The following FHIT variants were observed in gnomAD, a reference collection of about 807,000 sequenced individuals.
The protein encoded by FHIT is fragile histidine triad diadenosine triphosphatase.
FHIT carries 19 observed loss-of-function variants against 17.9 expected under a neutral mutation model. The ratio of observed to expected loss-of-function variants is 1.06; its 90% CI spans 0.74 to 1.56. The LOEUF (loss-of-function observed/expected upper bound fraction) is 1.56, where lower values mean the gene tolerates loss of function less well. Ranked by LOEUF, FHIT falls within the 40% of genes most tolerant of loss-of-function variation. The probability of loss-of-function intolerance (pLI) is 0.00; values close to 1 mark genes in which losing one functional copy is unlikely to be tolerated. For synonymous variants in FHIT, 81 were observed against 69.7 expected, an observed-to-expected ratio of 1.16 and a Z score of -0.81; for missense variants, 248 against 189.2, an observed-to-expected ratio of 1.31 and a Z score of -1.82.
At chr3:60,104,412 T>A (rs960756729) in intron 5 of FHIT, among the ~76,000 whole-genome samples, 2 of 152,118 alleles carry the variant, frequency 1.3e-5, no homozygotes, top group Non-Finnish European at 2.9e-5. Flanking sequence ...ATAAGTGACT[T>A]TATATTCAGA....
chr3:60,690,383 A>G lies in FHIT; in HGVS notation c.-18+131536T>C, dbSNP rs1176831033. ...CACTTGGTCTTGGCAGGGCACATGAAAAACTGGGAACCATTTGCGTTGGGT... is the reference window on the plus strand; with the variant it reads ...CACTTGGTCTTGGCAGGGCACATGAGAAACTGGGAACCATTTGCGTTGGGT... On this transcript the variant is annotated intron_variant, in intron 4 of 9. Coordinates refer to ENST00000492590, the MANE Select transcript of FHIT (RefSeq NM_002012.4). The G allele has an allele frequency of 1.2e-5, 7 of 577,358 alleles. No individual in the cohort carries two copies. The East Asian group carries it at 3.1e-4, about 26-fold the overall frequency. The allele number at this position is 577,358 out of a possible 1,614,324, so 35.8% of individuals were successfully genotyped here. A position where few individuals can be genotyped will look rare whatever the true frequency, so the allele number is the denominator to read the frequency against.
chr3:59,988,449 C>A (rs1709084593), intron 7 of FHIT, among the ~76,000 whole-genome samples: 1 of 152,072 alleles, frequency 6.6e-6, no homozygotes, highest in Admixed American at 6.6e-5. Context: ...AATAAATAGA[C>A]TTTTACCTGA....
intron 4 of FHIT, among the ~76,000 whole-genome samples, chr3:60,628,598 T>G (rs1177125436): frequency 4.6e-5 from 7 of 152,196 alleles, no homozygotes; most frequent in Admixed American, 3.9e-4. Flanking sequence ...CAGGCCAATT[T>G]TTCGTTACTC....
At chr3:60,113,529 C>T (rs931544629) in intron 5 of FHIT, among the ~76,000 whole-genome samples, 1 of 151,624 alleles carries the variant, frequency 6.6e-6, no homozygotes, top group Non-Finnish European at 1.5e-5. Flanking sequence ...CTACTATTAG[C>T]GATGCATAAA....
intron 5 of FHIT, among the ~76,000 whole-genome samples, chr3:60,371,230 T>TTTA: frequency 6.6e-6 from 1 of 152,362 alleles, no homozygotes; most frequent in Non-Finnish European, 1.5e-5. Flanking sequence ...AATATATCTT[T>TTTA]ATTCTCCTGT....
intron 2 of FHIT, among the ~76,000 whole-genome samples, chr3:61,100,013 T>C (rs892741117): frequency 7.2e-5 from 11 of 152,116 alleles, no homozygotes; most frequent in Non-Finnish European, 1.0e-4. Flanking sequence ...TGGTGTCATA[T>C]TGTGGTTTTG....
At chr3:60,658,250 G>A (rs1252101533) in intron 4 of FHIT, among the ~76,000 whole-genome samples, 1 of 152,062 alleles carries the variant, frequency 6.6e-6, no homozygotes, top group African/African-American at 2.4e-5. Context: ...CAATCATGTT[G>A]TAGCATATGT....
intron 3 of FHIT, among the ~76,000 whole-genome samples, chr3:60,919,641 A>G (rs1365560619): frequency 2.0e-5 from 3 of 152,192 alleles, no homozygotes; most frequent in African/African-American, 7.2e-5. Flanking sequence ...ATTGAAGATA[A>G]CCAATATACA....
At chr3:60,000,481 T>G (rs1284234766) in intron 7 of FHIT, among the ~76,000 whole-genome samples, 2 of 152,190 alleles carry the variant, frequency 1.3e-5, no homozygotes, top group East Asian at 3.9e-4. Context: ...GTTTACTATC[T>G]GGCCTTTTAC....
chr3:60,768,821 G>T (rs781945109), intron 4 of FHIT, among the ~76,000 whole-genome samples: 2 of 152,118 alleles, frequency 1.3e-5, no homozygotes, highest in Admixed American at 1.3e-4. Flanking sequence ...AAATTGCCCC[G>T]CAAACTGCCT....
intron 2 of FHIT, among the ~76,000 whole-genome samples, chr3:61,113,679 G>A (rs945443742): frequency 2.6e-5 from 4 of 152,130 alleles, no homozygotes; most frequent in African/African-American, 9.7e-5. Flanking sequence ...CTCTTGAATT[G>A]AACTGTAAGA....
At chr3:60,166,185 G>GA (rs5849340) in intron 5 of FHIT, among the ~76,000 whole-genome samples, 30,195 of 151,442 alleles carry the variant, frequency 0.2, 3,069 homozygotes, top group South Asian at 0.32. Context: ...ATTTGGGCTT[G>GA]AAAAAAAATA....
At chr3:60,295,429 T>G (rs900433718) in intron 5 of FHIT, among the ~76,000 whole-genome samples, 28 of 152,066 alleles carry the variant, frequency 1.8e-4, no homozygotes, top group African/African-American at 6.8e-4. Flanking sequence ...GGAGCCAGCA[T>G]GTAGAGATCA....
chr3:60,531,912 T>A (rs1342018328), intron 5 of FHIT, among the ~76,000 whole-genome samples: 1 of 152,212 alleles, frequency 6.6e-6, no homozygotes, highest in Non-Finnish European at 1.5e-5. Context: ...TGAATTTGGA[T>A]CTTGGAGCAC....
chr3:60,502,102 G>C (rs540388496), intron 5 of FHIT, among the ~76,000 whole-genome samples: 25 of 152,288 alleles, frequency 1.6e-4, no homozygotes, highest in African/African-American at 6.0e-4. Context: ...TCCAGTAGAG[G>C]AGGCAGGAAG....
intron 3 of FHIT, among the ~76,000 whole-genome samples, chr3:60,877,943 C>T (rs1704747800): frequency 6.6e-6 from 1 of 152,038 alleles, no homozygotes; most frequent in Admixed American, 6.6e-5. Context: ...GTCTGGGATA[C>T]AGATATGCCC....
At chr3:60,911,185 A>G (rs1553765775) in intron 3 of FHIT, among the ~76,000 whole-genome samples, 3 of 152,208 alleles carry the variant, frequency 2.0e-5, no homozygotes, top group Admixed American at 2.0e-4. Flanking sequence ...CAGCCTCCAG[A>G]CATTTTTCAA....
rs1428084832 is a variant in FHIT, at chr3:60,011,320, AGTTCTCATAATC to A, written c.279+39_279+50del. On this transcript the variant is annotated intron_variant, in intron 7 of 9. Coordinates refer to ENST00000492590, the MANE Select transcript of FHIT (RefSeq NM_002012.4). Reference sequence around the variant, plus strand: ...ATATGACTCGTTGTGATTTTTTATTAGTTCTCATAATCGCCTCTTATTAATTTGTATGCACAT... The same window carrying A: ...ATATGACTCGTTGTGATTTTTTATTAGCCTCTTATTAATTTGTATGCACAT... 12 of 1,564,412 alleles carry A rather than the reference AGTTCTCATAATC, an allele frequency of 7.7e-6. No homozygotes were observed. The African/African-American group carries it at 1.2e-4, about 16-fold the overall frequency.
chr3:59,882,495 G>C (rs1306554303), intron 8 of FHIT, among the ~76,000 whole-genome samples: 2 of 152,018 alleles, frequency 1.3e-5, no homozygotes, highest in African/African-American at 2.4e-5. Context: ...TAACTCGGTA[G>C]AGAAATCCAG....
Sources: gnomAD v4.1 joint callset for allele counts (sites outside exome capture counted in the v4.1 genomes callset) on GRCh38, gnomAD v4.1.1 for gene constraint, MANE v1.5 for transcripts, NCBI Gene and HGNC (gene_info 2026-07-23, HGNC 2026-07-21) for gene names.